NMNAT3: variants seen among roughly 807,000 people sequenced by gnomAD.
NMNAT3 encodes nicotinamide nucleotide adenylyltransferase 3, also known as nicotinamide/nicotinic acid mononucleotide adenylyltransferase 3.
In NMNAT3, 21 loss-of-function variants were observed where a neutral mutation model predicts 24.8. The ratio of observed to expected loss-of-function variants is 0.85; its 90% CI spans 0.60 to 1.22. The LOEUF is 1.22. Ranked by LOEUF, NMNAT3 falls within the 50% of genes most tolerant of loss-of-function variation. The probability of loss-of-function intolerance (pLI) is 0.00; values close to 1 mark genes in which losing one functional copy is unlikely to be tolerated. For missense variants in NMNAT3, 387 were observed against 436.6 expected (o/e 0.89, Z 1.01); for synonymous variants, 136 against 155.2 (o/e 0.88, Z 0.92).
intron 2 of NMNAT3, among the ~76,000 whole-genome samples, chr3:139,629,269 A>G (rs773546924): frequency 3.9e-5 from 6 of 152,200 alleles, no homozygotes; most frequent in Non-Finnish European, 7.3e-5. Flanking sequence ...CTGGTGGCCA[A>G]CAGCCAGTGA....
chr3:139,638,685 T>C (rs529512244), intron 1 of NMNAT3, among the ~76,000 whole-genome samples: 12 of 152,342 alleles, frequency 7.9e-5, no homozygotes, highest in African/African-American at 2.2e-4. Context: ...TATTTCTCAA[T>C]TGGATCTGAA....
At chr3:139,626,112 T>G (rs2056038474) in intron 3 of NMNAT3, among the ~76,000 whole-genome samples, 4 of 152,130 alleles carry the variant, frequency 2.6e-5, no homozygotes, top group Admixed American at 1.3e-4. Flanking sequence ...TCTTAACGTT[T>G]CTTGTGTTTG....
At position 139,561,199 on chromosome 3, in the gene NMNAT3, G is replaced by A; in HGVS notation, c.852C>T (p.His284=). The A allele has an allele frequency of 6.2e-7, 1 of 1,614,184 alleles. No homozygotes were observed. Among genetic ancestry groups the A allele is most frequent in the Non-Finnish European group, 8.5e-7 (1 of 1,180,032 alleles). The change falls in exon 7 of 7, where the codon CAC becomes CAT. Residue 284 remains histidine (H), a synonymous_variant. Transcript: ENST00000643695. Reference sequence around the variant, plus strand: ...CATTCTGCACAGGCTCCTTGGCCAGGTGAATGTTGTGCTGGTGCATCCGTA... The same window carrying A: ...CATTCTGCACAGGCTCCTTGGCCAGATGAATGTTGTGCTGGTGCATCCGTA...
chr3:139,607,132 A>C (rs2054982511), intron 3 of NMNAT3, among the ~76,000 whole-genome samples: 1 of 151,582 alleles, frequency 6.6e-6, no homozygotes, highest in Non-Finnish European at 1.5e-5. Flanking sequence ...CAAAGCTAGA[A>C]AATTTTATAT....
intron 3 of NMNAT3, among the ~76,000 whole-genome samples, chr3:139,593,285 C>A (rs2054286551): frequency 6.6e-6 from 1 of 152,142 alleles, no homozygotes. Context: ...TATGTATGCA[C>A]CCAATACAGG....
At chr3:139,579,692 T>C (rs1939880344) in intron 4 of NMNAT3, among the ~76,000 whole-genome samples, 1 of 152,178 alleles carries the variant, frequency 6.6e-6, no homozygotes, top group African/African-American at 2.4e-5. Context: ...ATGGGATTCA[T>C]CTGGGGAGAG....
intron 2 of NMNAT3, among the ~76,000 whole-genome samples, chr3:139,631,610 T>A (rs1295004183): frequency 6.6e-6 from 1 of 152,180 alleles, no homozygotes; most frequent in East Asian, 1.9e-4. Context: ...ATCATTAAAC[T>A]GGAGACAAGG....
chr3:139,560,308 T>C lies in NMNAT3; in HGVS notation c.*702A>G, dbSNP rs1044903. ...CAGGCATCTGTTTTACCTCAGTTCC[T>C]TTTTAGAAACCTGGAAATCAGGAGC... On this transcript the variant is annotated 3_prime_UTR_variant, in exon 7 of 7. Transcript: ENST00000643695. 1 of 152,766 alleles carries C rather than the reference T, an allele frequency of 6.5e-6. No individual in the cohort carries two copies. The highest frequency in any genetic ancestry group is 1.9e-4 in the East Asian group (1 of 5,190). The allele number at this position is 152,766 out of a possible 1,614,324, so 9.5% of individuals were successfully genotyped here. A position where few individuals can be genotyped will look rare whatever the true frequency, so the allele number is the denominator to read the frequency against.
At position 139,583,209 on chromosome 3, in the gene NMNAT3, C is replaced by A. The variant is rs2053747230; in HGVS notation, c.110-1G>T. The A allele has an allele frequency of 5.0e-6, 6 of 1,204,736 alleles. No individual in the cohort carries two copies. In the South Asian group the frequency reaches 7.4e-5, roughly 15 times the overall value. 74.6% of individuals were successfully genotyped at this position (1,204,736 alleles called of 1,614,324 possible). On this transcript the variant is annotated splice_acceptor_variant, in intron 3 of 6. Coordinates refer to ENST00000643695, the MANE Select transcript of NMNAT3 (RefSeq NM_001320510.2). LOFTEE classifies it high-confidence loss of function. ...ACTTCATGGTCCTTTTCTTCATATTCTGGAATACAAGAAAACGTGTAAATG... is the reference window on the plus strand; with the variant it reads ...ACTTCATGGTCCTTTTCTTCATATTATGGAATACAAGAAAACGTGTAAATG...
At chr3:139,574,640 T>G (rs1030432400) in intron 5 of NMNAT3, among the ~76,000 whole-genome samples, 2 of 152,170 alleles carry the variant, frequency 1.3e-5, no homozygotes, top group African/African-American at 4.8e-5. Flanking sequence ...AAGCATATGC[T>G]TTTCAGCCAG....
At chr3:139,677,320 T>C (rs6808215) in intron 1 of NMNAT3, among the ~76,000 whole-genome samples, 93,087 of 152,124 alleles carry the variant, frequency 0.61, 28,736 homozygotes, top group East Asian at 0.77. Context: ...TTTGGCCTGC[T>C]ACTGTAACCC....
chr3:139,624,474 G>A (rs936762592), intron 3 of NMNAT3, among the ~76,000 whole-genome samples: 1 of 150,566 alleles, frequency 6.6e-6, no homozygotes, highest in African/African-American at 2.4e-5. Context: ...TTGAGACAGA[G>A]TCTCGCTGCA....
At chr3:139,566,053 T>G (rs1441344379) in intron 6 of NMNAT3, 2 of 152,178 alleles carry the variant, frequency 1.3e-5, no homozygotes, top group Non-Finnish European at 1.5e-5. Context: ...TGATCGCCAT[T>G]CTAACTGGTG....
intron 1 of NMNAT3, among the ~76,000 whole-genome samples, chr3:139,653,914 A>G (rs74860060): frequency 0.14 from 21,106 of 152,148 alleles, 2,913 homozygotes; most frequent in African/African-American, 0.34. Context: ...CATTCCGTAG[A>G]TCAGCAGGTT....
At chr3:139,670,219 A>C (rs908210889) in intron 1 of NMNAT3, among the ~76,000 whole-genome samples, 9 of 152,234 alleles carry the variant, frequency 5.9e-5, no homozygotes, top group Non-Finnish European at 1.2e-4. Context: ...AGTACAGCAG[A>C]CACTGTCAGT....
intron 6 of NMNAT3, chr3:139,566,269 G>C (rs1937191379): frequency 6.6e-6 from 1 of 151,482 alleles, no homozygotes; most frequent in Non-Finnish European, 1.5e-5. Context: ...TTAGCCCTTT[G>C]TCAGATGAGT....
intron 5 of NMNAT3, chr3:139,575,774 G>C (rs1939206439): frequency 5.2e-6 from 6 of 1,154,186 alleles, no homozygotes; most frequent in Middle Eastern, 2.5e-4. Context: ...TTGACCCTGG[G>C]GGCATGTTCT....
intron 1 of NMNAT3, among the ~76,000 whole-genome samples, chr3:139,657,628 T>G (rs1012789801): frequency 6.6e-6 from 1 of 151,884 alleles, no homozygotes; most frequent in African/African-American, 2.4e-5. Flanking sequence ...AGGGGTTTGA[T>G]GCAGGATAGG....
intron 4 of NMNAT3, among the ~76,000 whole-genome samples, chr3:139,581,851 A>G (rs2053633836): frequency 6.6e-6 from 1 of 152,062 alleles, no homozygotes; most frequent in Non-Finnish European, 1.5e-5. Flanking sequence ...CTCTTGAAAC[A>G]TACGTAGTTT....
Sources: gnomAD v4.1 joint callset for allele counts (sites outside exome capture counted in the v4.1 genomes callset) on GRCh38, gnomAD v4.1.1 for gene constraint, MANE v1.5 for transcripts, NCBI Gene and HGNC (gene_info 2026-07-23, HGNC 2026-07-21) for gene names.